Variants in RNF144A observed in about 807,000 individuals in gnomAD.
The protein encoded by RNF144A is E3 ubiquitin-protein ligase RNF144A.
In RNF144A, 11 loss-of-function variants were observed where a neutral mutation model predicts 38.7. The ratio of observed to expected loss-of-function variants is 0.28; its 90% CI spans 0.18 to 0.47. The LOEUF (loss-of-function observed/expected upper bound fraction) is 0.47. Among genes scored for constraint, RNF144A ranks in the 20% least tolerant of loss-of-function variants. RNF144A has a pLI of 0.99. For synonymous variants in RNF144A, 149 were observed against 143.9 expected (o/e 1.04, Z -0.25); for missense variants, 316 against 377.2 (o/e 0.84, Z 1.34).
rs141601224 is a variant in RNF144A, at chr2:6,951,524, G to A, written c.-12+10377G>A. Among the ~76,000 whole-genome samples, 366 of 152,274 alleles carry A rather than the reference G, an allele frequency of 2.4e-3. 1 individual carries two copies. The highest frequency in any genetic ancestry group is 6.6e-3 in the South Asian group (32 of 4,824). ...CAAACCCTTGTTGGGAAGTTGCTTG[G>A]ATTGCATTAACTCTGTAGGTCAATT... is the stretch of plus-strand genomic sequence containing the variant. On this transcript the variant is annotated intron_variant, in intron 2 of 8. Coordinates refer to ENST00000320892, the MANE Select transcript of RNF144A (RefSeq NM_014746.6).
chr2:7,019,601 T>C (rs1368756478), intron 5 of RNF144A, among the ~76,000 whole-genome samples: 1 of 152,170 alleles, frequency 6.6e-6, no homozygotes, highest in Non-Finnish European at 1.5e-5. Context: ...CTGGGAGAGC[T>C]TTCTGGCAGA....
chr2:7,021,646 C>A (rs1484417287), intron 6 of RNF144A, among the ~76,000 whole-genome samples: 1 of 152,206 alleles, frequency 6.6e-6, no homozygotes, highest in African/African-American at 2.4e-5. Context: ...CCTCTGTGTT[C>A]CCCCTGAGAT....
chr2:6,937,992 C>T (rs1225700205), intron 1 of RNF144A, among the ~76,000 whole-genome samples: 2 of 152,210 alleles, frequency 1.3e-5, no homozygotes, highest in African/African-American at 4.8e-5. Flanking sequence ...TATTTCTCTG[C>T]TTTGAGAAAA....
intron 7 of RNF144A, among the ~76,000 whole-genome samples, 177 bp from the exon 8 acceptor site, chr2:7,029,949 C>T (rs1459067708): frequency 2.0e-5 from 3 of 152,242 alleles, no homozygotes; most frequent in South Asian, 2.1e-4. Context: ...GGAGGAGCGG[C>T]CTGGGCCTCC....
At chr2:7,065,423 G>A (rs973904609) in intron 6 of RNF144A, among the ~76,000 whole-genome samples, 17 of 152,322 alleles carry the variant, frequency 1.1e-4, no homozygotes, top group African/African-American at 4.1e-4. Flanking sequence ...AGTGGGATGG[G>A]GTTGACAAAG....
chr2:7,052,887 A>G (rs148706855), intron 6 of RNF144A, among the ~76,000 whole-genome samples: 33 of 152,016 alleles, frequency 2.2e-4, no homozygotes, highest in African/African-American at 8.0e-4. Context: ...ATATTTAGGC[A>G]AAGCTGGGAA....
Position 7,020,632 on chromosome 2 carries a change from A to C in RNF144A, c.461A>C (p.Gln154Pro). The change falls in exon 6 of 9, where the codon CAG becomes CCG. Residue 154 changes from glutamine to proline, a missense_variant. Gln to Pro is a moderately conservative substitution (Grantham distance 76, BLOSUM62 -1). Coordinates refer to ENST00000320892, the MANE Select transcript of RNF144A (RefSeq NM_014746.6). ...TGCAAAGCCAGCTGGCACCCTGGCC[A>C]GGGCTGCCCGGAGACCATGCCGATC... ...STCKASWHPG[Q>P]GCPETMPITF... The C allele has an allele frequency of 6.2e-7, 1 of 1,608,470 alleles. No individual in the cohort carries two copies. Among genetic ancestry groups the C allele is most frequent in the Non-Finnish European group, 8.5e-7 (1 of 1,179,988 alleles).
rs1399775503 is a variant in RNF144A at position 7,059,035 on chromosome 2, GA to G, written c.735-9176del. On this transcript the variant is annotated intron_variant, in intron 6 of 6. Transcript: ENST00000432850. ...GACATGGATTGAGAGAGGGTGAGGT[GA>G]AAAACCTGTTTAAAAAAATACTGTG... Among the ~76,000 whole-genome samples the G allele has an allele frequency of 5.9e-5, 9 of 151,954 alleles. No homozygotes were observed. The South Asian group carries it at 1.9e-3, about 32-fold the overall frequency.
rs191927515 is a variant in RNF144A, at chr2:7,002,200, G to C, written c.135+5139G>C. ...GTCTTTATGTCCCTTTGCATTATGT[G>C]TACTGCACATAGTGGGTGCTTTTTT... On this transcript the variant is annotated intron_variant, in intron 3 of 8. Coordinates refer to ENST00000320892, the MANE Select transcript of RNF144A (RefSeq NM_014746.6). Among the ~76,000 whole-genome samples, 78 of 152,252 alleles carry C rather than the reference G, an allele frequency of 5.1e-4. 1 individual carries two copies. Among genetic ancestry groups the C allele is most frequent in the Non-Finnish European group, 6.8e-4 (46 of 68,024 alleles).
At chr2:7,021,126 G>A (rs1671501768) in intron 6 of RNF144A, among the ~76,000 whole-genome samples, 2 of 152,160 alleles carry the variant, frequency 1.3e-5, no homozygotes, top group South Asian at 4.1e-4. Flanking sequence ...CTCCCTGGTG[G>A]CGGCCTCCCC....
intron 8 of RNF144A, among the ~76,000 whole-genome samples, chr2:7,033,758 G>T (rs1329170997): frequency 1.3e-5 from 2 of 152,208 alleles, no homozygotes; most frequent in Non-Finnish European, 2.9e-5. Flanking sequence ...TTATCTCTTA[G>T]GATACAGAAA....
Position 7,023,349 on chromosome 2 carries a change from C to T in RNF144A, c.510-1020C>T, listed in dbSNP as rs541543545. Reference sequence around the variant, plus strand: ...ATTGACTGGAAGCTTGTGAGAGATCCTTCAGCCAGAATGCACTCAAAAAGC... The same window carrying T: ...ATTGACTGGAAGCTTGTGAGAGATCTTTCAGCCAGAATGCACTCAAAAAGC... On this transcript the variant is annotated intron_variant, in intron 6 of 8. Transcript: ENST00000320892. Among the ~76,000 whole-genome samples the T allele has an allele frequency of 3.3e-5, 5 of 152,258 alleles. 1 individual carries two copies. The highest frequency in any genetic ancestry group is 5.9e-5 in the Non-Finnish European group (4 of 68,020).
chr2:6,960,398 G>A (rs888507550), intron 2 of RNF144A, among the ~76,000 whole-genome samples: 3 of 152,162 alleles, frequency 2.0e-5, no homozygotes, highest in African/African-American at 4.8e-5. Context: ...ACCATGAAGG[G>A]ACTTTGGCTT....
intron 2 of RNF144A, among the ~76,000 whole-genome samples, chr2:6,976,756 C>T (rs1668341406): frequency 6.6e-6 from 1 of 151,642 alleles, no homozygotes; most frequent in South Asian, 2.1e-4. Context: ...GTATGTACTA[C>T]CCTTTCCTTT....
chr2:6,936,993 G>A (rs542772654), intron 1 of RNF144A, among the ~76,000 whole-genome samples: 58 of 152,016 alleles, frequency 3.8e-4, no homozygotes, highest in Non-Finnish European at 6.2e-4. Flanking sequence ...GCACATGGTC[G>A]GGGTGCAAGA....
intron 5 of RNF144A, among the ~76,000 whole-genome samples, chr2:7,019,664 A>G (rs1572415579): frequency 6.6e-6 from 1 of 152,250 alleles, no homozygotes; most frequent in African/African-American, 2.4e-5. Flanking sequence ...ATCATGCTGG[A>G]CAAGAGGGAA....
intron 2 of RNF144A, among the ~76,000 whole-genome samples, chr2:6,970,742 C>T (rs1028438534): frequency 1.3e-5 from 2 of 152,158 alleles, no homozygotes; most frequent in African/African-American, 2.4e-5. Context: ...TCCACACCCT[C>T]GGCCACCAGC....
chr2:7,036,524 G>A (rs1672689412), intron 8 of RNF144A, among the ~76,000 whole-genome samples: 1 of 152,180 alleles, frequency 6.6e-6, no homozygotes, highest in South Asian at 2.1e-4. Context: ...ATTTCTCACT[G>A]AGATCAGTGA....
chr2:6,959,999 T>C (rs1246026679), intron 2 of RNF144A, among the ~76,000 whole-genome samples: 4 of 152,236 alleles, frequency 2.6e-5, no homozygotes, highest in African/African-American at 7.2e-5. Flanking sequence ...CTGCTCCATG[T>C]TACTTCCTCT....
Sources: allele counts gnomAD v4.1 joint callset (sites outside exome capture counted in the v4.1 genomes callset), GRCh38; gene constraint gnomAD v4.1.1; transcripts MANE v1.5; gene names NCBI Gene and HGNC (gene_info 2026-07-23, HGNC 2026-07-21).